The following NRXN1 variants were observed in gnomAD, a reference collection of about 807,000 sequenced individuals.
The protein encoded by NRXN1 is neurexin 1, also known as neurexin-1.
NRXN1 carries 39 observed loss-of-function variants against 150.9 expected under a neutral mutation model. The observed-to-expected ratio is 0.26, with a 90% CI of 0.20 to 0.34. NRXN1 has a LOEUF of 0.34. Ranked by LOEUF, NRXN1 falls within the 10% of genes least tolerant of loss-of-function variation. The pLI, the probability that NRXN1 is intolerant of heterozygous loss-of-function variation, is 1.00. For missense variants in NRXN1, 1,815 were observed against 1,949.9 expected, an observed-to-expected ratio of 0.93 and a Z score of 1.30; for synonymous variants, 924 against 757.0, an observed-to-expected ratio of 1.22 and a Z score of -3.62.
At chr2:50,950,977 A>G (rs1270880217) in intron 2 of NRXN1, among the ~76,000 whole-genome samples, 2 of 152,180 alleles carry the variant, frequency 1.3e-5, no homozygotes, top group African/African-American at 2.4e-5. Flanking sequence ...CATTTCTTTC[A>G]TGGAAAATGG....
intron 18 of NRXN1, among the ~76,000 whole-genome samples, chr2:50,135,196 T>A (rs1431813644): frequency 6.6e-6 from 1 of 152,206 alleles, no homozygotes; most frequent in Admixed American, 6.5e-5. Context: ...TTTGAATACA[T>A]ATTTATTGAG....
At chr2:50,087,013 A>G (rs532014749) in intron 19 of NRXN1, among the ~76,000 whole-genome samples, 1 of 152,114 alleles carries the variant, frequency 6.6e-6, no homozygotes. Context: ...GTCTGTCTCT[A>G]TCATTTCCTG....
rs115177699 is a variant in NRXN1 at position 50,414,292 on chromosome 2, C to T, written c.3364+51150G>A. Among the ~76,000 whole-genome samples, 1,055 of 152,012 alleles carry T rather than the reference C, an allele frequency of 6.9e-3. 12 individuals are homozygous for T. The highest frequency in any genetic ancestry group is 7.9e-3 in the Non-Finnish European group (534 of 67,962). ...GTGTATTTCACATTGCATATCTTTA[C>T]GCCATAAATATATACACCTGCTATG... On this transcript the variant is annotated intron_variant, in intron 17 of 22. Transcript: ENST00000401669.
intron 22 of NRXN1, among the ~76,000 whole-genome samples, chr2:49,927,660 T>C (rs776222438): frequency 1.1e-4 from 17 of 152,228 alleles, no homozygotes; most frequent in Non-Finnish European, 1.9e-4. Flanking sequence ...TCTTGATCTA[T>C]GTTTTTGCAA....
chr2:50,140,504 T>C (rs1707114144), intron 18 of NRXN1, among the ~76,000 whole-genome samples: 1 of 152,020 alleles, frequency 6.6e-6, no homozygotes, highest in South Asian at 2.1e-4. Context: ...CAAAGTCCAG[T>C]GACTACAGAG....
chr2:50,734,771 CTG>C (rs1315867783), intron 5 of NRXN1, among the ~76,000 whole-genome samples: 1 of 151,004 alleles, frequency 6.6e-6, no homozygotes, highest in Non-Finnish European at 1.5e-5. Context: ...CAAAAAAACT[CTG>C]TGTTGGCTAA....
At chr2:50,866,927 A>G (rs997078940) in intron 5 of NRXN1, among the ~76,000 whole-genome samples, 2 of 151,928 alleles carry the variant, frequency 1.3e-5, no homozygotes, top group African/African-American at 4.8e-5. Flanking sequence ...ACTAACTGAC[A>G]ATGTAGTCGA....
chr2:51,015,160 C>T (rs1668471860), intron 2 of NRXN1, among the ~76,000 whole-genome samples: 1 of 152,004 alleles, frequency 6.6e-6, no homozygotes, highest in Non-Finnish European at 1.5e-5. Flanking sequence ...ATTCTGTTAA[C>T]TCTTCTCTGT....
intron 8 of NRXN1, among the ~76,000 whole-genome samples, chr2:50,593,220 C>A (rs942186907): frequency 1.3e-5 from 2 of 152,134 alleles, no homozygotes; most frequent in Non-Finnish European, 2.9e-5. Context: ...TAAGGTTACC[C>A]AATCTTATGT....
At chr2:50,108,255 A>C (rs1490976972) in intron 18 of NRXN1, among the ~76,000 whole-genome samples, 1 of 152,082 alleles carries the variant, frequency 6.6e-6, no homozygotes. Flanking sequence ...ACACACACAC[A>C]AATCCATTGA....
chr2:50,667,151 A>G (rs542421984), intron 5 of NRXN1, among the ~76,000 whole-genome samples: 1 of 150,854 alleles, frequency 6.6e-6, no homozygotes, highest in Non-Finnish European at 1.5e-5. Context: ...AAATTGAAAT[A>G]TAAAGAATTT....
chr2:50,550,738 G>A (rs959443986), intron 9 of NRXN1, among the ~76,000 whole-genome samples: 22 of 150,846 alleles, frequency 1.5e-4, no homozygotes, highest in Non-Finnish European at 2.8e-4. Context: ...CTGGAGTGCC[G>A]CGGCCCGATC....
chr2:50,222,947 A>G (rs144167158), intron 18 of NRXN1, among the ~76,000 whole-genome samples: 1 of 151,964 alleles, frequency 6.6e-6, no homozygotes, highest in African/African-American at 2.4e-5. Flanking sequence ...TTTTACTCCC[A>G]TCATTGTTGT....
intron 5 of NRXN1, among the ~76,000 whole-genome samples, chr2:50,790,805 G>C (rs1288333414): frequency 6.6e-6 from 1 of 152,040 alleles, no homozygotes; most frequent in Non-Finnish European, 1.5e-5. Context: ...GACTGGGAGG[G>C]TTTTCTTCCC....
intron 18 of NRXN1, among the ~76,000 whole-genome samples, chr2:50,222,408 T>G (rs2063966846): frequency 6.6e-6 from 1 of 152,002 alleles, no homozygotes; most frequent in South Asian, 2.1e-4. Context: ...ACCAATTTGC[T>G]TTTATATGAA....
chr2:50,580,815 T>C (rs1337248228), intron 8 of NRXN1, among the ~76,000 whole-genome samples: 1 of 152,168 alleles, frequency 6.6e-6, no homozygotes, highest in African/African-American at 2.4e-5. Flanking sequence ...CCATGCTATG[T>C]TCACAGCTAC....
At chr2:50,464,549 G>C (rs76572355) in intron 17 of NRXN1, 1 of 151,948 alleles carries the variant, frequency 6.6e-6, no homozygotes, top group African/African-American at 2.4e-5. Flanking sequence ...TTCAGCCTCT[G>C]CTACAAAATC....
chr2:50,154,284 C>A (rs1428846187), intron 18 of NRXN1, among the ~76,000 whole-genome samples: 1 of 151,420 alleles, frequency 6.6e-6, no homozygotes, highest in Non-Finnish European at 1.5e-5. Flanking sequence ...GATGAGTGCA[C>A]CAAAATCTCA....
intron 5 of NRXN1, among the ~76,000 whole-genome samples, chr2:50,845,968 T>C (rs1015010778): frequency 1.3e-5 from 2 of 152,238 alleles, no homozygotes; most frequent in African/African-American, 4.8e-5. Context: ...CAACTGCTAA[T>C]AGCACATTTC....
Sources: gnomAD v4.1 joint callset for allele counts (sites outside exome capture counted in the v4.1 genomes callset) on GRCh38, gnomAD v4.1.1 for gene constraint, MANE v1.5 for transcripts, NCBI Gene and HGNC (gene_info 2026-07-23, HGNC 2026-07-21) for gene names.